MAN1B1: variants seen among roughly 807,000 people sequenced by gnomAD.
MAN1B1 encodes the protein mannosidase alpha class 1B member 1, also known as endoplasmic reticulum mannosyl-oligosaccharide 1,2-alpha-mannosidase.
In MAN1B1, 66 loss-of-function variants were observed where a neutral mutation model predicts 75.5. That is an observed-to-expected ratio of 0.87 (90% CI 0.72 to 1.07). MAN1B1 has a LOEUF of 1.07. Among genes scored for constraint, MAN1B1 ranks in the 50% least tolerant of loss-of-function variants. The pLI is 0.00. For missense variants in MAN1B1, 973 were observed against 912.5 expected (o/e 1.07, Z -0.85); for synonymous variants, 453 against 382.8 (o/e 1.18, Z -2.14).
chr9:137,106,495 C>T (rs1831112273), intron 9 of MAN1B1, 180 bp downstream of exon 9: 4 of 981,412 alleles, frequency 4.1e-6, no homozygotes, highest in African/African-American at 1.6e-5. Context: ...TATTCATTCA[C>T]CTCTCACCGT....
In MAN1B1 at chr9:137,105,759, C is replaced by G. The variant is rs560497082; in HGVS notation, c.1255-366C>G. 36 of 426,324 alleles carry G rather than the reference C, an allele frequency of 8.4e-5. 1 individual carries two copies. In the East Asian group the frequency reaches 2.1e-3, roughly 25 times the overall value. The allele number at this position is 426,324 out of a possible 1,614,324, so 26.4% of individuals were successfully genotyped here. On this transcript the variant is annotated intron_variant, in intron 8 of 12. Coordinates refer to ENST00000371589, the MANE Select transcript of MAN1B1 (RefSeq NM_016219.5). Reference sequence around the variant, plus strand: ...GGGCTCAGAAGGCAGGCACACTTGCCGTCCCTCCAGAGCCATGGCTGACGG... The same window carrying G: ...GGGCTCAGAAGGCAGGCACACTTGCGGTCCCTCCAGAGCCATGGCTGACGG...
intron 9 of MAN1B1, 71 bp downstream of exon 9, chr9:137,106,386 C>G (rs1831106833): frequency 5.8e-6 from 8 of 1,381,600 alleles, no homozygotes; most frequent in African/African-American, 5.7e-5. Flanking sequence ...CCTGCTGCCC[C>G]CAGCTCCCAC....
chr9:137,092,803 T>C (rs572638616), intron 3 of MAN1B1, among the ~76,000 whole-genome samples: 104 of 152,230 alleles, frequency 6.8e-4, no homozygotes, highest in South Asian at 1.2e-3. Flanking sequence ...CGCCTGCTTT[T>C]CGTGGATGCT....
intron 4 of MAN1B1, 128 bp from the exon 5 acceptor site, chr9:137,097,700 C>T (rs1830690381): frequency 5.4e-6 from 4 of 740,792 alleles, no homozygotes; most frequent in Non-Finnish European, 7.2e-6. Context: ...CAGCAGCCTG[C>T]ACCTCAGGAT....
At chr9:137,103,857 G>C (rs1049049750) in intron 8 of MAN1B1, 12 of 454,804 alleles carry the variant, frequency 2.6e-5, no homozygotes, top group Non-Finnish European at 4.9e-5. Context: ...ATTCACACTT[G>C]CAGGCGTGCA....
intron 9 of MAN1B1, 143 bp downstream of exon 9, chr9:137,106,458 C>T (rs1200350900): frequency 1.0e-6 from 1 of 998,072 alleles, no homozygotes; most frequent in Non-Finnish European, 1.5e-6. Context: ...CGTGCCAGGC[C>T]TGGCCCAGGC....
chr9:137,101,236 ACTGT>A, intron 7 of MAN1B1, 83 bp downstream of exon 7: 1 of 1,542,468 alleles, frequency 6.5e-7, no homozygotes, highest in South Asian at 1.1e-5. Flanking sequence ...TGGGGACGTG[ACTGT>A]CTTCCTGTTT....
At chr9:137,104,162 T>G (rs1419205185) in intron 8 of MAN1B1, 1 of 431,746 alleles carries the variant, frequency 2.3e-6, no homozygotes, top group Admixed American at 2.4e-5. Flanking sequence ...TGAAAAACAC[T>G]GTTCAGGTTT....
At chr9:137,107,979 T>G in intron 12 of MAN1B1, 1 of 625,440 alleles carries the variant, frequency 1.6e-6, no homozygotes, top group Non-Finnish European at 2.9e-6. Flanking sequence ...CACGCACCCA[T>G]GACTGGGGCA....
At chr9:137,098,245 C>A (rs1183592758) in intron 5 of MAN1B1, among the ~76,000 whole-genome samples, 2 of 152,252 alleles carry the variant, frequency 1.3e-5, no homozygotes, top group Non-Finnish European at 2.9e-5. Flanking sequence ...CTCGGCCTGG[C>A]CAGTCCCAGG....
chr9:137,101,549 G>C lies in MAN1B1; in HGVS notation c.1131G>C (p.Val377=), dbSNP rs1328413181. 2 of 1,613,912 alleles carry C rather than the reference G, an allele frequency of 1.2e-6. No homozygotes were observed. The highest frequency in any genetic ancestry group is 1.7e-5 in the Admixed American group (1 of 60,024). The part of the protein sequence containing the change: ...RTPSKIPYSD[V]NIGTGVAHPP... ...CATCCAAGATTCCTTACTCGGATGTGAACATCGGTACTGGAGTTGCCCACC... is the reference window on the plus strand; with the variant it reads ...CATCCAAGATTCCTTACTCGGATGTCAACATCGGTACTGGAGTTGCCCACC... Residue 377 remains valine (V), a synonymous_variant, in exon 8 of 13, where the codon GTG becomes GTC. Transcript: ENST00000371589.
chr9:137,101,175 G>A (rs778184433), intron 7 of MAN1B1, 22 bp downstream of exon 7: 1 of 1,613,078 alleles, frequency 6.2e-7, no homozygotes, highest in South Asian at 1.1e-5. Flanking sequence ...GGGGTGTCCT[G>A]CAGGGAGATG....
chr9:137,102,358 C>T (rs1830866539), intron 8 of MAN1B1: 3 of 440,114 alleles, frequency 6.8e-6, no homozygotes, highest in African/African-American at 2.2e-5. Context: ...GGTGGTGTTA[C>T]ATTCACGCTG....
intron 4 of MAN1B1, among the ~76,000 whole-genome samples, chr9:137,096,910 G>A (rs542733415): frequency 3.3e-5 from 5 of 152,342 alleles, no homozygotes; most frequent in Admixed American, 6.5e-5. Flanking sequence ...TGGTTGAGGC[G>A]GAAGGAAGGG....
At chr9:137,107,998 A>G in intron 12 of MAN1B1, 2 of 620,872 alleles carry the variant, frequency 3.2e-6, no homozygotes, top group Admixed American at 5.9e-5. Context: ...CACCATCCCC[A>G]CTGTGGACCA....
chr9:137,106,247 C>A lies in MAN1B1; in HGVS notation c.1377C>A (p.Gly459=), dbSNP rs753346777. The A allele has an allele frequency of 6.3e-7, 1 of 1,587,358 alleles. No individual in the cohort carries two copies. The highest frequency in any genetic ancestry group is 8.6e-7 in the Non-Finnish European group (1 of 1,167,006). The change falls in exon 9 of 13, where the codon GGC becomes GGA. Residue 459 remains glycine (G), a synonymous_variant. Coordinates refer to ENST00000371589, the MANE Select transcript of MAN1B1 (RefSeq NM_016219.5). ...LFTHLGVFTL[G]ARADSYYEYL... The stretch of plus-strand genomic sequence containing the variant: ...CCCACCTGGGCGTATTCACGCTGGG[C>A]GCCAGGGCCGACAGCTACTATGAGT...
intron 3 of MAN1B1, among the ~76,000 whole-genome samples, chr9:137,090,913 A>G (rs1830498012): frequency 6.6e-6 from 1 of 152,206 alleles, no homozygotes; most frequent in Admixed American, 6.5e-5. Context: ...GACAGTACCA[A>G]AAAGCAGAAG....
rs754161131 is a variant in MAN1B1, at chr9:137,096,372, C to T, written c.601C>T (p.Pro201Ser). The change falls in exon 4 of 13, where the codon CCG (proline) becomes TCG (serine). Residue 201 changes from proline to serine, a missense_variant. Coordinates refer to ENST00000371589, the MANE Select transcript of MAN1B1 (RefSeq NM_016219.5). Reference protein sequence around the residue: ...APVDPRPEGDPQRTVISWRGA... With the variant: ...APVDPRPEGDSQRTVISWRGA... ...TGTGGATCCCCGCCCGGAAGGAGAT[C>T]CGCAGAGGACAGTCATCAGGTACAG... 2.5e-6 allele frequency: 4 copies of T among 1,613,720 alleles called. No individual in the cohort carries two copies. The highest frequency in any genetic ancestry group is 1.7e-6 in the Non-Finnish European group (2 of 1,179,954).
rs1424981685 is a variant in MAN1B1, at chr9:137,098,980, C to T, written c.731-716C>T. Among the ~76,000 whole-genome samples the T allele has an allele frequency of 3.3e-5, 5 of 152,208 alleles. No individual in the cohort carries two copies. The East Asian group carries it at 7.7e-4, about 23-fold the overall frequency. ...TAGTAGCTGGGATTATAGGCACCCG[C>T]CACCACACCTGGCTAATTTTTGTAT... On this transcript the variant is annotated intron_variant, in intron 5 of 12. Transcript: ENST00000371589.
Sources: gnomAD v4.1 joint callset for allele counts (sites outside exome capture counted in the v4.1 genomes callset) on GRCh38, gnomAD v4.1.1 for gene constraint, MANE v1.5 for transcripts, NCBI Gene and HGNC (gene_info 2026-07-23, HGNC 2026-07-21) for gene names.